Variants in BABAM2 observed in about 807,000 individuals in gnomAD.
BABAM2 encodes BRISC and BRCA1-A complex member 2.
BABAM2 carries 31 observed loss-of-function variants against 54.7 expected under a neutral mutation model. That is an observed-to-expected ratio of 0.57 (90% confidence interval 0.43 to 0.77). The LOEUF (loss-of-function observed/expected upper bound fraction) is 0.77. Ranked by LOEUF, BABAM2 falls within the 30% of genes least tolerant of loss-of-function variation. The probability of loss-of-function intolerance (pLI) is 0.00; values close to 1 mark genes in which losing one functional copy is unlikely to be tolerated. For synonymous variants in BABAM2, 167 were observed against 162.9 expected, an observed-to-expected ratio of 1.03 and a Z score of -0.19; for missense variants, 364 against 455.8, an observed-to-expected ratio of 0.80 and a Z score of 1.83.
At chr2:27,901,481 T>A (rs1437455766) in intron 2 of BABAM2, among the ~76,000 whole-genome samples, 1 of 152,200 alleles carries the variant, frequency 6.6e-6, no homozygotes. Context: ...CCTATTGCAT[T>A]TTTTTGTCCA....
intron 6 of BABAM2, among the ~76,000 whole-genome samples, chr2:28,072,840 A>C (rs1419749918): frequency 1.3e-5 from 2 of 152,270 alleles, no homozygotes; most frequent in Non-Finnish European, 2.9e-5. Flanking sequence ...CTTTGAACAT[A>C]TACAAAGATA....
At chr2:28,330,199 A>G (rs1690829539) in intron 11 of BABAM2, among the ~76,000 whole-genome samples, 1 of 152,242 alleles carries the variant, frequency 6.6e-6, no homozygotes, top group Non-Finnish European at 1.5e-5. Context: ...AATAAGAGCC[A>G]TTTATGACAA....
chr2:27,971,744 T>A (rs1378087311), intron 3 of BABAM2, among the ~76,000 whole-genome samples: 3 of 152,128 alleles, frequency 2.0e-5, no homozygotes, highest in African/African-American at 7.2e-5. Flanking sequence ...CATTACTGAT[T>A]TGTTTTAAAA....
intron 5 of BABAM2, among the ~76,000 whole-genome samples, chr2:28,040,320 A>G (rs1178125972): frequency 6.4e-5 from 1 of 15,718 alleles, no homozygotes; most frequent in South Asian, 3.3e-3. Context: ...TTTTTTTTTG[A>G]GACGGAGTCT....
upstream of BABAM2, chr2:27,890,293 A>ACCG: frequency 6.2e-7 from 1 of 1,613,356 alleles, no homozygotes; most frequent in Non-Finnish European, 8.5e-7. This position sits in a 1 kb window ranked among gnomAD's most constrained non-coding sequence, Gnocchi z 4.8. Flanking sequence ...CACCACTACC[A>ACCG]CCGCCGCCAC....
At chr2:28,264,725 A>G (rs1684830330) in intron 10 of BABAM2, among the ~76,000 whole-genome samples, 1 of 152,216 alleles carries the variant, frequency 6.6e-6, no homozygotes, top group African/African-American at 2.4e-5. Context: ...AAAATACTTC[A>G]AAAGACCCAT....
chr2:27,997,881 A>G (rs1345054826), intron 4 of BABAM2, among the ~76,000 whole-genome samples: 3 of 152,142 alleles, frequency 2.0e-5, no homozygotes, highest in African/African-American at 7.2e-5. Flanking sequence ...AGGGCCAGGC[A>G]TGGTGGCTCA....
intron 6 of BABAM2, among the ~76,000 whole-genome samples, chr2:28,097,425 A>G (rs1164204877): frequency 1.3e-5 from 2 of 152,180 alleles, no homozygotes; most frequent in Non-Finnish European, 2.9e-5. Flanking sequence ...GTTAGTAGTT[A>G]TATAATGATA....
intron 7 of BABAM2, among the ~76,000 whole-genome samples, chr2:28,188,499 G>T (rs927141334): frequency 1.3e-5 from 2 of 152,196 alleles, no homozygotes; most frequent in African/African-American, 4.8e-5. Context: ...ATATTGAAGG[G>T]TAAAATTTGG....
rs1573660889 is a variant in BABAM2, at chr2:28,138,361, G to A, written c.680+8981G>A. On this transcript the variant is annotated intron_variant, in intron 7 of 11. Coordinates refer to ENST00000379624, the MANE Select transcript of BABAM2 (RefSeq NM_199191.3). ...ACACCAGAGATTAACAGTAACCAAA[G>A]TTGACACAGTATGTTTAAAGGAATA... 2.0e-5 allele frequency among the ~76,000 whole-genome samples: 3 copies of A among 152,260 alleles called. No individual in the cohort carries two copies. The South Asian group carries it at 6.2e-4, about 32-fold the overall frequency.
At chr2:28,282,087 T>G (rs1408423396) in intron 10 of BABAM2, among the ~76,000 whole-genome samples, 1 of 151,812 alleles carries the variant, frequency 6.6e-6, no homozygotes, top group Non-Finnish European at 1.5e-5. Flanking sequence ...CAGTAAAAAA[T>G]TTAAAAGGAA....
chr2:28,139,338 A>G (rs867350037), intron 7 of BABAM2, among the ~76,000 whole-genome samples: 67 of 149,486 alleles, frequency 4.5e-4, no homozygotes, highest in African/African-American at 1.6e-3. Flanking sequence ...AAAAAAAAAA[A>G]AAAAAAAGAA....
At chr2:27,889,952 G>C, upstream of BABAM2, 1 of 305,286 alleles carries the variant, frequency 3.3e-6, no homozygotes, top group East Asian at 5.5e-5. Flanking sequence ...TCAGCAGCCG[G>C]GCCAAGAAAG....
upstream of BABAM2, chr2:27,890,604 G>T: frequency 2.2e-6 from 1 of 449,540 alleles, no homozygotes; most frequent in Non-Finnish European, 4.0e-6. The surrounding 1 kb of genome is among the most constrained non-coding windows in gnomAD (Gnocchi z 4.8). Flanking sequence ...CACGGGGCAG[G>T]CGCTGAGGAA....
chr2:28,098,050 G>T (rs1193163443), intron 6 of BABAM2, among the ~76,000 whole-genome samples: 1 of 151,916 alleles, frequency 6.6e-6, no homozygotes, highest in African/African-American at 2.4e-5. Context: ...TTTTCCTTTG[G>T]CATTTTGCCT....
Position 28,112,193 on chromosome 2 carries a change from C to CCTTCCTTCCTTCCTTCCTT in BABAM2, c.571-17077_571-17076insTTCCTTCCTTCCTTCCTTC, listed in dbSNP as rs1558347355. ...TCCCTCCCTCCCTCCCTCCCTCCCTCCCTCCCTTCCTTCCTTCCTTCCTTC... is the reference window on the plus strand; with the variant it reads ...TCCCTCCCTCCCTCCCTCCCTCCCTCCTTCCTTCCTTCCTTCCTTCCTCCCTTCCTTCCTTCCTTCCTTC... On this transcript the variant is annotated intron_variant, in intron 6 of 11. Transcript: ENST00000379624. Among the ~76,000 whole-genome samples the CCTTCCTTCCTTCCTTCCTT allele has an allele frequency of 9.1e-4, 28 of 30,764 alleles. 1 individual carries two copies. The highest frequency in any genetic ancestry group is 4.4e-3 in the African/African-American group (23 of 5,252). The allele number at this position is 30,764 out of a possible 152,430, so 20.2% of individuals were successfully genotyped here.
At chr2:27,891,336 T>G (rs907908073) in intron 1 of BABAM2, among the ~76,000 whole-genome samples, 2 of 152,204 alleles carry the variant, frequency 1.3e-5, no homozygotes, top group African/African-American at 4.8e-5. Context: ...TCCGTGTTTG[T>G]CATCTCATTT....
At chr2:27,921,157 A>G (rs1667319115) in intron 2 of BABAM2, among the ~76,000 whole-genome samples, 1 of 152,182 alleles carries the variant, frequency 6.6e-6, no homozygotes, top group Admixed American at 6.5e-5. Flanking sequence ...AGTTTGCTAA[A>G]TCAGTGAACA....
intron 7 of BABAM2, among the ~76,000 whole-genome samples, chr2:28,227,746 C>G (rs1240837414): frequency 6.6e-6 from 1 of 152,170 alleles, no homozygotes; most frequent in Non-Finnish European, 1.5e-5. Flanking sequence ...TGCATCATTG[C>G]ATGAGGTCTA....
Sources: allele counts gnomAD v4.1 joint callset (sites outside exome capture counted in the v4.1 genomes callset), GRCh38; gene constraint gnomAD v4.1.1; non-coding constraint Gnocchi (gnomAD v3.1); transcripts MANE v1.5; gene names NCBI Gene and HGNC (gene_info 2026-07-23, HGNC 2026-07-21).